Variants in ANO6 observed in about 807,000 individuals in gnomAD.
ANO6 encodes the protein anoctamin-6.
In ANO6, 106 loss-of-function variants were observed where a neutral mutation model predicts 117.5. The ratio of observed to expected loss-of-function variants is 0.90; its 90% CI spans 0.77 to 1.06. The LOEUF (loss-of-function observed/expected upper bound fraction) is 1.06, where lower values mean the gene tolerates loss of function less well. ANO6 is among the 50% of genes least tolerant of loss of function. The pLI, the probability that ANO6 is intolerant of heterozygous loss-of-function variation, is 0.00. For synonymous variants in ANO6, 367 were observed against 385.1 expected, an observed-to-expected ratio of 0.95 and a Z score of 0.55; for missense variants, 955 against 1,121.1, an observed-to-expected ratio of 0.85 and a Z score of 2.12.
chr12:45,399,008 G>T (rs1264177561), intron 12 of ANO6, among the ~76,000 whole-genome samples: 4 of 152,036 alleles, frequency 2.6e-5, no homozygotes, highest in South Asian at 2.1e-4. Flanking sequence ...CAGGCCTGAG[G>T]TATGGCTCCA....
At chr12:45,259,311 A>G (rs1592885061) in intron 1 of ANO6, among the ~76,000 whole-genome samples, 1 of 152,218 alleles carries the variant, frequency 6.6e-6, no homozygotes, top group East Asian at 1.9e-4. Context: ...GTGTATCCCT[A>G]GAAGTTGTAT....
At chr12:45,400,919 C>T (rs766508008) in intron 12 of ANO6, among the ~76,000 whole-genome samples, 27 of 152,180 alleles carry the variant, frequency 1.8e-4, no homozygotes, top group Non-Finnish European at 3.4e-4. Flanking sequence ...AGATGCCTCT[C>T]CAATAGTGTC....
intron 8 of ANO6, among the ~76,000 whole-genome samples, chr12:45,357,898 T>A (rs58028140): frequency 0.031 from 4,726 of 152,282 alleles, 101 homozygotes; most frequent in African/African-American, 0.059. Context: ...AACTCAATAG[T>A]TGTTTTGGTT....
intron 8 of ANO6, among the ~76,000 whole-genome samples, chr12:45,364,660 T>G (rs969601329): frequency 2.6e-5 from 4 of 152,240 alleles, no homozygotes; most frequent in African/African-American, 9.6e-5. Flanking sequence ...TCTCTATTGA[T>G]ATTCTCTTTG....
Position 45,432,226 on chromosome 12 carries a change from T to C in ANO6, c.*2915T>C. On this transcript the variant is annotated 3_prime_UTR_variant, in exon 20 of 20. Transcript: ENST00000320560. ...ACACATTGTGGCATAAGATGTAAAG[T>C]TTGTAATTAATGTTAATTTCTGTGC... 1 of 982,740 alleles carries C rather than the reference T, an allele frequency of 1.0e-6. No homozygotes were observed. The highest frequency in any genetic ancestry group is 1.2e-6 in the Non-Finnish European group (1 of 828,006). The allele number at this position is 982,740 out of a possible 1,614,324, so 60.9% of individuals were successfully genotyped here. A position where few individuals can be genotyped will look rare whatever the true frequency, so the allele number is the denominator to read the frequency against.
At chr12:45,296,566 A>G (rs538140076) in intron 1 of ANO6, among the ~76,000 whole-genome samples, 2 of 151,924 alleles carry the variant, frequency 1.3e-5, no homozygotes, top group South Asian at 4.2e-4. Context: ...TTATATCTCT[A>G]TCTGGCTATA....
intron 2 of ANO6, among the ~76,000 whole-genome samples, chr12:45,330,444 G>A (rs543433606): frequency 2.6e-5 from 4 of 152,144 alleles, no homozygotes; most frequent in Admixed American, 1.3e-4. Flanking sequence ...TCAGTATCAC[G>A]TAGTTAAAAA....
At chr12:45,404,077 C>T (rs1363950183) in intron 15 of ANO6, among the ~76,000 whole-genome samples, 1 of 152,100 alleles carries the variant, frequency 6.6e-6, no homozygotes, top group Non-Finnish European at 1.5e-5. Flanking sequence ...TTCACATTAG[C>T]ATTAAGAGAC....
chr12:45,383,932 C>T (rs1246428519), intron 10 of ANO6, among the ~76,000 whole-genome samples: 1 of 152,186 alleles, frequency 6.6e-6, no homozygotes, highest in South Asian at 2.1e-4. Flanking sequence ...TGAAGCCAGG[C>T]GTTGACTTCT....
At chr12:45,382,989 A>G (rs1942206898) in intron 10 of ANO6, among the ~76,000 whole-genome samples, 1 of 152,166 alleles carries the variant, frequency 6.6e-6, no homozygotes, top group Non-Finnish European at 1.5e-5. Context: ...CTTTTTTCAC[A>G]AAAGAGTTCT....
At chr12:45,403,687 C>A (rs1942859343) in intron 15 of ANO6, 151 bp downstream of exon 15, 3 of 679,932 alleles carry the variant, frequency 4.4e-6, no homozygotes, top group Admixed American at 2.2e-5. Flanking sequence ...GGTCTCCAGA[C>A]AACATAGTCC....
chr12:45,263,255 A>G (rs1938103620), intron 1 of ANO6, among the ~76,000 whole-genome samples: 1 of 149,586 alleles, frequency 6.7e-6, no homozygotes, highest in African/African-American at 2.4e-5. Context: ...TCTGTCACCC[A>G]GGCTGGAGTA....
At chr12:45,374,883 G>A (rs1356591456) in intron 9 of ANO6, among the ~76,000 whole-genome samples, 1 of 152,114 alleles carries the variant, frequency 6.6e-6, no homozygotes, top group African/African-American at 2.4e-5. Context: ...GAAATAAAGG[G>A]TATTCAATTA....
At chr12:45,408,760 C>A (rs893036348) in intron 15 of ANO6, among the ~76,000 whole-genome samples, 2 of 152,172 alleles carry the variant, frequency 1.3e-5, no homozygotes. Context: ...TCCTACCCTG[C>A]GTGCTGTCTG....
At chr12:45,288,620 A>G (rs903265709) in intron 1 of ANO6, among the ~76,000 whole-genome samples, 1 of 152,158 alleles carries the variant, frequency 6.6e-6, no homozygotes, top group Non-Finnish European at 1.5e-5. Context: ...TTTATTACCC[A>G]TTTCATCAGT....
intron 15 of ANO6, 115 bp from the exon 16 acceptor site, chr12:45,409,242 A>C (rs1237555645): frequency 2.9e-6 from 4 of 1,379,662 alleles, no homozygotes; most frequent in Non-Finnish European, 4.0e-6. Context: ...GCATGCAAAC[A>C]AAAAAATAGT....
chr12:45,297,389 A>C (rs1421228425), intron 1 of ANO6, among the ~76,000 whole-genome samples: 2 of 152,206 alleles, frequency 1.3e-5, no homozygotes, highest in Non-Finnish European at 2.9e-5. Context: ...TTTCTCATAG[A>C]TAATAGATTG....
chr12:45,330,204 T>G (rs756813784), intron 2 of ANO6, among the ~76,000 whole-genome samples: 2 of 152,060 alleles, frequency 1.3e-5, no homozygotes, highest in Non-Finnish European at 2.9e-5. Context: ...TGTTCCACAG[T>G]GGAAAAGGGG....
intron 12 of ANO6, among the ~76,000 whole-genome samples, chr12:45,400,519 A>G (rs1942755128): frequency 1.3e-5 from 2 of 152,184 alleles, no homozygotes; most frequent in Admixed American, 1.3e-4. Context: ...CTTTTTTAAC[A>G]CTTAACTTTG....
Sources: gnomAD v4.1 joint callset for allele counts (sites outside exome capture counted in the v4.1 genomes callset) on GRCh38, gnomAD v4.1.1 for gene constraint, MANE v1.5 for transcripts, NCBI Gene and HGNC (gene_info 2026-07-23, HGNC 2026-07-21) for gene names.